Variants in ADGRV1 observed in about 807,000 individuals in gnomAD.
ADGRV1 encodes the protein G-protein coupled receptor 98.
In ADGRV1, 359 loss-of-function variants were observed where a neutral mutation model predicts 596.2. That is an observed-to-expected ratio of 0.60 (90% CI 0.55 to 0.66). The LOEUF is 0.66. Ranked by LOEUF, ADGRV1 falls within the 30% of genes least tolerant of loss-of-function variation. The probability of loss-of-function intolerance (pLI) is 0.00; values close to 1 mark genes in which losing one functional copy is unlikely to be tolerated. For synonymous variants in ADGRV1, 2,681 were observed against 2,679.2 expected, an observed-to-expected ratio of 1.00 and a Z score of -0.02; for missense variants, 7,274 against 7,575.6, an observed-to-expected ratio of 0.96 and a Z score of 1.48.
At chr5:90,562,513 A>G (rs573409249) in intron 1 of ADGRV1, among the ~76,000 whole-genome samples, 4 of 152,156 alleles carry the variant, frequency 2.6e-5, no homozygotes, top group Non-Finnish European at 5.9e-5. Flanking sequence ...TTCCGATTCT[A>G]CTGTGACACA....
intron 83 of ADGRV1, among the ~76,000 whole-genome samples, chr5:90,903,101 T>C (rs984179099): frequency 4.6e-5 from 7 of 152,108 alleles, no homozygotes; most frequent in African/African-American, 1.7e-4. Context: ...CACAGACTTT[T>C]AGGAACCAAG....
intron 70 of ADGRV1, among the ~76,000 whole-genome samples, chr5:90,802,034 G>A (rs532392090): frequency 6.6e-6 from 1 of 152,292 alleles, no homozygotes; most frequent in Admixed American, 6.5e-5. Flanking sequence ...TCAATGAGGA[G>A]GAGGAAAGTG....
intron 73 of ADGRV1, 90 bp from the exon 74 acceptor site, chr5:90,810,143 A>G (rs1762303125): frequency 9.4e-7 from 1 of 1,060,686 alleles, no homozygotes; most frequent in African/African-American, 1.6e-5. Context: ...CCTCATGAGC[A>G]GCATTTTAAA....
At chr5:91,103,293 T>C (rs1246132982) in intron 87 of ADGRV1, among the ~76,000 whole-genome samples, 1 of 152,112 alleles carries the variant, frequency 6.6e-6, no homozygotes, top group African/African-American at 2.4e-5. Context: ...CAAGTTTCTA[T>C]ATAGACAACT....
chr5:90,652,320 T>C (rs767378387), intron 18 of ADGRV1, 26 bp from the exon 19 acceptor site: 1 of 1,504,866 alleles, frequency 6.6e-7, no homozygotes, highest in South Asian at 1.3e-5. Context: ...TCACTACTTA[T>C]AAATTTTCTT....
intron 71 of ADGRV1, 138 bp from the exon 72 acceptor site, chr5:90,805,146 T>C (rs1761779116): frequency 2.0e-6 from 1 of 495,436 alleles, no homozygotes; most frequent in Admixed American, 4.1e-5. Flanking sequence ...TGTTATTTCT[T>C]AAGCACTTCT....
rs1161522322 is a variant in ADGRV1 at position 90,654,186 on chromosome 5, A to G, written c.4378+234A>G. 3 of 531,982 alleles carry G rather than the reference A, an allele frequency of 5.6e-6. No individual in the cohort carries two copies. The East Asian group carries it at 1.0e-4, about 18-fold the overall frequency. The allele number at this position is 531,982 out of a possible 1,614,324, so 33.0% of individuals were successfully genotyped here. A position where few individuals can be genotyped will look rare whatever the true frequency, so the allele number is the denominator to read the frequency against. ...TAAAGAACCTGGAATAAACCCTAGC[A>G]GAGAGATGTGTGATATATCACAATG... On this transcript the variant is annotated intron_variant, in intron 20 of 89. Transcript: ENST00000405460.
intron 87 of ADGRV1, among the ~76,000 whole-genome samples, chr5:91,116,211 C>A (rs2126721413): frequency 6.6e-6 from 1 of 152,250 alleles, no homozygotes; most frequent in South Asian, 2.1e-4. Context: ...TCCATGTCAC[C>A]ATTTTCCTCT....
chr5:90,807,685 G>T lies in ADGRV1; in HGVS notation c.14920G>T (p.Val4974Phe). 2 of 1,611,586 alleles carry T rather than the reference G, an allele frequency of 1.2e-6. No individual in the cohort carries two copies. The highest frequency in any genetic ancestry group is 2.7e-5 in the African/African-American group (2 of 75,022). The change falls in exon 73 of 90, where the codon GTT becomes TTT. Residue 4974 changes from valine (V) to phenylalanine (F), a missense_variant. By Grantham distance (50) the Val-to-Phe change is conservative. Coordinates refer to ENST00000405460, the MANE Select transcript of ADGRV1 (RefSeq NM_032119.4). ...FPSPGWPEAFVLHLSGVQSSA... is the reference protein window; with the variant it reads ...FPSPGWPEAFFLHLSGVQSSA... ...TAGCCCTGGTTGGCCAGAGGCCTTT[G>T]TTCTTCACCTATCAGGAGTGCAGAG...
At position 90,721,107 on chromosome 5, in the gene ADGRV1, T is replaced by A. The variant is rs749448651; in HGVS notation, c.9748+48T>A. 5 of 1,524,978 alleles carry A rather than the reference T, an allele frequency of 3.3e-6. No individual in the cohort carries two copies. The African/African-American group carries it at 6.9e-5, about 21-fold the overall frequency. 94.5% of individuals were successfully genotyped at this position (1,524,978 alleles called of 1,614,324 possible). A position where few individuals can be genotyped will look rare whatever the true frequency, so the allele number is the denominator to read the frequency against. ...ACAAAATTCTGTAACGAAAAAATAT[T>A]GCATGTATAAGATTTATATTTTTTC... On this transcript the variant is annotated intron_variant, in intron 45 of 89. Coordinates refer to ENST00000405460, the MANE Select transcript of ADGRV1 (RefSeq NM_032119.4).
intron 1 of ADGRV1, among the ~76,000 whole-genome samples, chr5:90,569,817 G>A (rs955162707): frequency 7.9e-5 from 12 of 151,720 alleles, no homozygotes; most frequent in African/African-American, 2.9e-4. Flanking sequence ...AATTTCAATA[G>A]CGTGCAATAA....
chr5:90,604,485 CTAAT>C (rs1334040096), intron 1 of ADGRV1, among the ~76,000 whole-genome samples: 1 of 152,088 alleles, frequency 6.6e-6, no homozygotes, highest in Non-Finnish European at 1.5e-5. Flanking sequence ...TTGACTAGAG[CTAAT>C]TAAAGTTGTT....
intron 75 of ADGRV1, among the ~76,000 whole-genome samples, chr5:90,822,516 G>C (rs1296845943): frequency 1.3e-5 from 2 of 152,170 alleles, no homozygotes; most frequent in Non-Finnish European, 2.9e-5. Flanking sequence ...GTACCATGCT[G>C]TTTTGGTTAC....
In ADGRV1 at chr5:90,672,734, C is replaced by G. The variant is rs371747319; in HGVS notation, c.4929+12C>G. ...GGCAGAGATCAGAGGTAAACCCTACCTTTTTTGTTCCTTTGAAAGCCTCCT... is the reference window on the plus strand; with the variant it reads ...GGCAGAGATCAGAGGTAAACCCTACGTTTTTTGTTCCTTTGAAAGCCTCCT... On this transcript the variant is annotated intron_variant, in intron 22 of 89. Coordinates refer to ENST00000405460, the MANE Select transcript of ADGRV1 (RefSeq NM_032119.4). The G allele has an allele frequency of 2.7e-5, 42 of 1,566,852 alleles. No individual in the cohort carries two copies. Among genetic ancestry groups the G allele is most frequent in the African/African-American group, 4.1e-5 (3 of 73,500 alleles).
chr5:90,829,879 T>A (rs1230866782), intron 77 of ADGRV1, among the ~76,000 whole-genome samples: 1 of 152,152 alleles, frequency 6.6e-6, no homozygotes, highest in Non-Finnish European at 1.5e-5. Flanking sequence ...CTGACCCACC[T>A]TAGTCCTCTC....
intron 39 of ADGRV1, among the ~76,000 whole-genome samples, chr5:90,710,245 A>G (rs925715933): frequency 2.0e-5 from 3 of 152,216 alleles, no homozygotes; most frequent in Non-Finnish European, 4.4e-5. Context: ...AGTATTAAAA[A>G]CAAAAATCAA....
intron 83 of ADGRV1, among the ~76,000 whole-genome samples, chr5:90,869,463 C>G (rs1413974324): frequency 6.6e-6 from 1 of 151,998 alleles, no homozygotes; most frequent in Non-Finnish European, 1.5e-5. Context: ...AAGGATTGAT[C>G]TGGCAATGAA....
At position 91,154,067 on chromosome 5, in the gene ADGRV1, G is replaced by A. The variant is rs781252768; in HGVS notation, c.18802+669G>A. 7.2e-5 allele frequency among the ~76,000 whole-genome samples: 11 copies of A among 152,304 alleles called. No individual in the cohort carries two copies. In the South Asian group the frequency reaches 8.3e-4, roughly 11 times the overall value. On this transcript the variant is annotated intron_variant, in intron 89 of 89. Transcript: ENST00000405460. Reference sequence around the variant, plus strand: ...TTTCCAGTGTGTCTAAATGATATCTGCATTCATAATATAAACATAGTGGAT... The same window carrying A: ...TTTCCAGTGTGTCTAAATGATATCTACATTCATAATATAAACATAGTGGAT...
In ADGRV1 at chr5:90,647,400, G is replaced by A; in HGVS notation, c.3023-98G>A. 1.6e-5 allele frequency: 20 copies of A among 1,247,076 alleles called. No individual in the cohort carries two copies. In the South Asian group the frequency reaches 2.7e-4, roughly 17 times the overall value. The allele number at this position is 1,247,076 out of a possible 1,614,324, so 77.3% of individuals were successfully genotyped here. On this transcript the variant is annotated intron_variant, in intron 16 of 89. Coordinates refer to ENST00000405460, the MANE Select transcript of ADGRV1 (RefSeq NM_032119.4). ...TTATTTTGGCAAAGACACAGTACAA[G>A]GCTTCTCTCTTGGAGGGCAGGGAGA...
Sources: gnomAD v4.1 joint callset for allele counts (sites outside exome capture counted in the v4.1 genomes callset) on GRCh38, gnomAD v4.1.1 for gene constraint, MANE v1.5 for transcripts, NCBI Gene and HGNC (gene_info 2026-07-23, HGNC 2026-07-21) for gene names.